The following KALRN variants were observed in gnomAD, a reference collection of about 807,000 sequenced individuals.
KALRN encodes kalirin.
Under a neutral mutation model 353.7 loss-of-function variants are expected in KALRN, and 70 were observed. That is an observed-to-expected ratio of 0.20 (90% CI 0.16 to 0.24). The LOEUF (loss-of-function observed/expected upper bound fraction) is 0.24. Among genes scored for constraint, KALRN ranks in the 10% least tolerant of loss-of-function variants. KALRN has a pLI of 1.00. For synonymous variants in KALRN, 1,391 were observed against 1,434.8 expected (o/e 0.97, Z 0.69); for missense variants, 2,791 against 3,756.7 (o/e 0.74, Z 6.72).
rs1432173740 is a variant in KALRN, at chr3:124,658,531, G to T, written c.6123+14G>T. On this transcript the variant is annotated intron_variant, in intron 42 of 59. Transcript: ENST00000682506. The stretch of plus-strand genomic sequence containing the variant: ...GCCTACTTTGAGGTAAGCTGTGCAG[G>T]CTTTGCTGAACTGGGGTGGGAGGAA... 1.9e-6 allele frequency: 3 copies of T among 1,609,118 alleles called. No individual in the cohort carries two copies. The Admixed American group carries it at 5.0e-5, about 27-fold the overall frequency.
chr3:124,135,114 G>A (rs577251051), intron 1 of KALRN, among the ~76,000 whole-genome samples: 2 of 152,290 alleles, frequency 1.3e-5, no homozygotes, highest in Non-Finnish European at 2.9e-5. Context: ...TTGCAAAATT[G>A]TGGAACCAAC....
At chr3:124,037,174 A>C (rs1276416347) in intron 1 of KALRN, among the ~76,000 whole-genome samples, 1 of 152,260 alleles carries the variant, frequency 6.6e-6, no homozygotes, top group East Asian at 1.9e-4. Context: ...GCTGTGGAAC[A>C]CAAAAGAAAT....
At chr3:124,618,264 C>T (rs2078863993) in intron 34 of KALRN, among the ~76,000 whole-genome samples, 1 of 150,148 alleles carries the variant, frequency 6.7e-6, no homozygotes, top group Non-Finnish European at 1.5e-5. Context: ...CGCCTGCCAC[C>T]ACGCCCAGCT....
At chr3:124,445,636 C>T (rs1056724443) in intron 19 of KALRN, among the ~76,000 whole-genome samples, 4 of 152,170 alleles carry the variant, frequency 2.6e-5, no homozygotes, top group Admixed American at 1.3e-4. Flanking sequence ...GAGGCTGTGC[C>T]GTTAAAGTGC....
chr3:124,605,595 A>AGT (rs1554048180), intron 34 of KALRN, among the ~76,000 whole-genome samples: 1 of 137,554 alleles, frequency 7.3e-6, no homozygotes, highest in Non-Finnish European at 1.5e-5. Context: ...AAAGAGAGAG[A>AGT]GAGAATAGGT....
chr3:124,132,361 G>A (rs956144412), intron 1 of KALRN, among the ~76,000 whole-genome samples: 2 of 152,170 alleles, frequency 1.3e-5, no homozygotes, highest in Non-Finnish European at 2.9e-5. Context: ...ATCACTTCAA[G>A]TGCCCAGAGC....
At chr3:124,637,990 G>A (rs1367829669) in intron 37 of KALRN, among the ~76,000 whole-genome samples, 1 of 152,172 alleles carries the variant, frequency 6.6e-6, no homozygotes, top group East Asian at 1.9e-4. Flanking sequence ...AGCTCATTAG[G>A]ATGGAGCTGT....
intron 34 of KALRN, among the ~76,000 whole-genome samples, chr3:124,580,434 A>C (rs2074517789): frequency 6.6e-6 from 1 of 152,202 alleles, no homozygotes; most frequent in Admixed American, 6.5e-5. Flanking sequence ...AGCCTAAAAA[A>C]TGCTAATGCC....
chr3:124,491,807 T>C (rs2063190209), intron 31 of KALRN: 1 of 158,782 alleles, frequency 6.3e-6, no homozygotes, highest in Non-Finnish European at 1.4e-5. Context: ...TTTTCCTAAA[T>C]AACTTCCGTG....
chr3:124,224,496 G>C (rs1315153218), intron 1 of KALRN, among the ~76,000 whole-genome samples: 2 of 152,162 alleles, frequency 1.3e-5, no homozygotes, highest in Admixed American at 1.3e-4. Flanking sequence ...GGTTGCACAA[G>C]TGTGATCTAG....
chr3:124,562,468 G>A (rs1352453400), intron 33 of KALRN, among the ~76,000 whole-genome samples: 1 of 152,146 alleles, frequency 6.6e-6, no homozygotes, highest in African/African-American at 2.4e-5. Flanking sequence ...GGGGCATATA[G>A]GGAAGGGGTT....
chr3:124,127,111 A>T (rs140460722), intron 1 of KALRN, among the ~76,000 whole-genome samples: 25 of 152,164 alleles, frequency 1.6e-4, no homozygotes, highest in Non-Finnish European at 2.9e-5. Context: ...CCCTTCATAA[A>T]TTTCAAATTG....
intron 27 of KALRN, among the ~76,000 whole-genome samples, chr3:124,477,673 G>T (rs142895891): frequency 2.0e-5 from 3 of 152,154 alleles, no homozygotes; most frequent in Admixed American, 1.3e-4. Context: ...TCTCACAAAT[G>T]TAGTGTTTCC....
intron 34 of KALRN, among the ~76,000 whole-genome samples, chr3:124,626,221 C>T (rs1005645009): frequency 3.3e-5 from 5 of 152,206 alleles, no homozygotes; most frequent in African/African-American, 1.2e-4. Flanking sequence ...CAAAATAATA[C>T]TATATTCACA....
At position 124,164,717 on chromosome 3, in the gene KALRN, CCCTTT is replaced by C. The variant is rs1183344446; in HGVS notation, c.74-63269_74-63265del. 9.9e-5 allele frequency: 15 copies of C among 152,172 alleles called. No homozygotes were observed. The South Asian group carries it at 2.3e-3, about 23-fold the overall frequency. 9.4% of individuals were successfully genotyped at this position (152,172 alleles called of 1,614,324 possible). A position where few individuals can be genotyped will look rare whatever the true frequency, so the allele number is the denominator to read the frequency against. On this transcript the variant is annotated intron_variant, in intron 1 of 59. Transcript: ENST00000682506. ...TTAGTTTGGACTTCTTTTTTCCTAT[CCCTTT>C]CCTGTTTTATATTTATATTTTATTT... is the stretch of plus-strand genomic sequence containing the variant.
intron 34 of KALRN, among the ~76,000 whole-genome samples, chr3:124,568,923 A>G (rs1006792266): frequency 2.0e-5 from 3 of 152,324 alleles, no homozygotes; most frequent in Non-Finnish European, 2.9e-5. Flanking sequence ...TGATGGTTGC[A>G]TGACAATGTG....
rs150797364 is a variant in KALRN at position 124,440,088 on chromosome 3, A to G, written c.3198+1051A>G. 6.9e-3 allele frequency among the ~76,000 whole-genome samples: 1,053 copies of G among 151,682 alleles called. 18 individuals are homozygous for G. The highest frequency in any genetic ancestry group is 0.024 in the African/African-American group (1,002 of 41,284). On this transcript the variant is annotated intron_variant, in intron 18 of 59. Transcript: ENST00000682506. ...GCCTCTCCCTGCCCTCCTCCTATCT[A>G]TCTGGTATCCGCACCTATATGGGTC...
At position 124,650,898 on chromosome 3, in the gene KALRN, C is replaced by T; in HGVS notation, c.5755C>T (p.Pro1919Ser). ...GGCCCCACCCACACCTCCTAAAAAC[C>T]CAGAAGAAGAACAGAAAGCCAAGGC... ...GMAPPTPPKN[P>S]EEEQKAKALR... Residue 1919 changes from proline (P) to serine (S), a missense_variant, in exon 38 of 60, where the codon CCA (proline) becomes TCA (serine). Transcript: ENST00000682506. 2 of 1,614,170 alleles carry T rather than the reference C, an allele frequency of 1.2e-6. No individual in the cohort carries two copies. The highest frequency in any genetic ancestry group is 1.7e-6 in the Non-Finnish European group (2 of 1,180,032).
At chr3:124,505,823 T>C (rs1380614944) in intron 33 of KALRN, among the ~76,000 whole-genome samples, 2 of 152,176 alleles carry the variant, frequency 1.3e-5, no homozygotes, top group African/African-American at 4.8e-5. Flanking sequence ...GGCCATAACA[T>C]AGAATTCTTG....
Sources: allele counts gnomAD v4.1 joint callset (sites outside exome capture counted in the v4.1 genomes callset), GRCh38; gene constraint gnomAD v4.1.1; transcripts MANE v1.5; gene names NCBI Gene and HGNC (gene_info 2026-07-23, HGNC 2026-07-21).